SLC35B4: variants seen among roughly 807,000 people sequenced by gnomAD.
SLC35B4 encodes the protein nucleotide sugar transporter SLC35B4.
Under a neutral mutation model 39.5 loss-of-function variants are expected in SLC35B4, and 28 were observed. The ratio of observed to expected loss-of-function variants is 0.71; its 90% confidence interval spans 0.53 to 0.97. The LOEUF (loss-of-function observed/expected upper bound fraction) is 0.97. Among genes scored for constraint, SLC35B4 ranks in the 50% least tolerant of loss-of-function variants. The pLI is 0.00. For synonymous variants in SLC35B4, 145 were observed against 150.4 expected (o/e 0.96, Z 0.26); for missense variants, 334 against 414.3 (o/e 0.81, Z 1.68).
At position 134,316,701 on chromosome 7, in the gene SLC35B4, G is replaced by A; in HGVS notation, c.51C>T (p.Asn17=). 9.7e-6 allele frequency: 15 copies of A among 1,550,666 alleles called. No individual in the cohort carries two copies. The highest frequency in any genetic ancestry group is 1.3e-5 in the Non-Finnish European group (15 of 1,146,784). The change falls in exon 1 of 10, where the codon AAC becomes AAT. Residue 17 remains asparagine (N), a synonymous_variant. Transcript: ENST00000378509. ...GGGCCAGGAGCTCTAGGAAGATCACGTTACTGCAGCAGCCTGCGAACACCA... is the reference window on the plus strand; with the variant it reads ...GGGCCAGGAGCTCTAGGAAGATCACATTACTGCAGCAGCCTGCGAACACCA... ...VGLVFAGCCS[N]VIFLELLARK... is the part of the protein sequence containing the mutation.
intron 8 of SLC35B4, among the ~76,000 whole-genome samples, chr7:134,298,382 T>C (rs914115505): frequency 3.9e-5 from 6 of 152,224 alleles, no homozygotes; most frequent in Admixed American, 3.9e-4. Flanking sequence ...TTCACGGATC[T>C]CAGAAACTTA....
chr7:134,299,743 T>C (rs1803537502), intron 7 of SLC35B4, 145 bp from the exon 8 acceptor site: 2 of 676,048 alleles, frequency 3.0e-6, no homozygotes, highest in African/African-American at 3.6e-5. Flanking sequence ...ATGTATACAG[T>C]GCTTCTTGAC....
At chr7:134,296,554 A>G (rs1803470410) in intron 8 of SLC35B4, 88 bp from the exon 9 acceptor site, 1 of 877,656 alleles carries the variant, frequency 1.1e-6, no homozygotes, top group African/African-American at 1.6e-5. Context: ...GACTGAACAT[A>G]ATAGGAACAG....
intron 9 of SLC35B4, 182 bp from the exon 10 acceptor site, chr7:134,295,261 T>C (rs1298623094): frequency 4.4e-6 from 3 of 679,022 alleles, no homozygotes; most frequent in Non-Finnish European, 7.2e-6. Context: ...TGCCATTCCA[T>C]TTATGGGTAC....
chr7:134,306,648 T>C (rs1262860680), intron 3 of SLC35B4, 24 bp downstream of exon 3: 1 of 1,582,488 alleles, frequency 6.3e-7, no homozygotes, highest in Non-Finnish European at 8.7e-7. Flanking sequence ...GAGGAACATA[T>C]ACACGTGATC....
intron 4 of SLC35B4, among the ~76,000 whole-genome samples, chr7:134,304,529 T>C (rs947127631): frequency 1.6e-4 from 25 of 152,368 alleles, no homozygotes; most frequent in Middle Eastern, 3.4e-3. Flanking sequence ...CTATCATCTT[T>C]GTAAGTTGGC....
intron 1 of SLC35B4, among the ~76,000 whole-genome samples, chr7:134,316,076 C>T (rs1803966460): frequency 6.6e-6 from 1 of 152,074 alleles, no homozygotes; most frequent in Admixed American, 6.5e-5. Context: ...ATCTGTTCTA[C>T]CGCATCATTT....
chr7:134,296,497 T>A (rs753390353), intron 8 of SLC35B4, 31 bp from the exon 9 acceptor site: 2 of 1,566,342 alleles, frequency 1.3e-6, no homozygotes, highest in South Asian at 2.3e-5. Context: ...TATAGCCATA[T>A]TGCTTTTTCA....
At position 134,309,387 on chromosome 7, in the gene SLC35B4, T is replaced by C; in HGVS notation, c.170A>G (p.Lys57Arg). ...ATACCTTATTGGGATAGCTGGTGGCTTCCTTCCCAAATCAGCTTCAAAGAG... is the reference window on the plus strand; with the variant it reads ...ATACCTTATTGGGATAGCTGGTGGCCTCCTTCCCAAATCAGCTTCAAAGAG... ...GFLFEADLGR[K>R]PPAIPIRYYA... Residue 57 changes from lysine to arginine, a missense_variant, in exon 2 of 10, where the codon AAG becomes AGG. By Grantham distance (26) the Lys-to-Arg change is conservative. Coordinates refer to ENST00000378509, the MANE Select transcript of SLC35B4 (RefSeq NM_032826.5). 6.2e-7 allele frequency: 1 copy of C among 1,609,706 alleles called. No individual in the cohort carries two copies. The highest frequency in any genetic ancestry group is 8.5e-7 in the Non-Finnish European group (1 of 1,178,564).
At position 134,290,183 on chromosome 7, in the gene SLC35B4, A is replaced by G. The variant is rs1483292896; in HGVS notation, c.*4650T>C. ...ATATGTAAGGTGCTAACTACATAAT[A>G]CTCTTCCCTTCTACCACCAGGCAAT... On this transcript the variant is annotated 3_prime_UTR_variant, in exon 10 of 10. Coordinates refer to ENST00000378509, the MANE Select transcript of SLC35B4 (RefSeq NM_032826.5). The G allele has an allele frequency of 1.3e-5, 2 of 152,200 alleles. No homozygotes were observed. Among genetic ancestry groups the G allele is most frequent in the African/African-American group, 4.8e-5 (2 of 41,420 alleles). The allele number at this position is 152,200 out of a possible 1,614,324, so 9.4% of individuals were successfully genotyped here.
At chr7:134,316,965 A>C (rs1023626749), upstream of SLC35B4, 4 of 566,028 alleles carry the variant, frequency 7.1e-6, no homozygotes, top group Non-Finnish European at 1.3e-5. Context: ...GGTCCCATTC[A>C]TCCGAGGGGG....
At position 134,299,581 on chromosome 7, in the gene SLC35B4, C is replaced by T. The variant is rs752361691; in HGVS notation, c.615G>A (p.Pro205=). Residue 205 remains proline (P), a synonymous_variant, in exon 8 of 10, where the codon CCG becomes CCA. Coordinates refer to ENST00000378509, the MANE Select transcript of SLC35B4 (RefSeq NM_032826.5). ...ALFYNHALPL[P]GFVFLASDIY... ...TATCAGAAGCCAAGAAGACGAAACC[C>T]GGAAGTGGAAGGGCGTGCTATGGAA... 17 of 1,613,628 alleles carry T rather than the reference C, an allele frequency of 1.1e-5. No homozygotes were observed. In the East Asian group the frequency reaches 1.8e-4, roughly 17 times the overall value.
chr7:134,294,893 C>CTCTG lies in SLC35B4; in HGVS notation c.932_935dup (p.Glu312AspfsTer13). The CTCTG allele has an allele frequency of 6.2e-7, 1 of 1,614,168 alleles. No individual in the cohort carries two copies. Among genetic ancestry groups the CTCTG allele is most frequent in the Non-Finnish European group, 8.5e-7 (1 of 1,180,044 alleles). ...TTGTGGTCCCTAGGTTGTTCCACAC[C>CTCTG]TCTGTGTACATTAAGGTCCCAATGA... On this transcript the variant is annotated frameshift_variant, in exon 10 of 10. Transcript: ENST00000378509. LOFTEE classifies it high-confidence loss of function.
chr7:134,309,504 G>C, intron 1 of SLC35B4, 25 bp from the exon 2 acceptor site: 2 of 1,542,472 alleles, frequency 1.3e-6, no homozygotes, highest in Non-Finnish European at 1.8e-6. Flanking sequence ...ATAAAAGAGG[G>C]GGTGAAGGCA....
At chr7:134,317,324 T>C (rs565937784), upstream of SLC35B4, among the ~76,000 whole-genome samples, 3 of 152,328 alleles carry the variant, frequency 2.0e-5, no homozygotes, top group Admixed American at 2.0e-4. Context: ...TATGTATCTT[T>C]GGTGACTCTA....
rs750322229 is a variant in SLC35B4 at position 134,299,549 on chromosome 7, T to C, written c.647A>G (p.Asp216Gly). The change falls in exon 8 of 10, where the codon GAC becomes GGC. Residue 216 changes from aspartate to glycine, a missense_variant. Asp to Gly is a moderately conservative substitution (Grantham distance 94). Transcript: ENST00000378509. The stretch of plus-strand genomic sequence containing the variant: ...AGACTTATTGAATAGAACTGCATGG[T>C]CATAAATATCAGAAGCCAAGAAGAC... The part of the protein sequence containing the change: ...GFVFLASDIY[D>G]HAVLFNKSEL... The C allele has an allele frequency of 4.3e-6, 7 of 1,613,844 alleles. No individual in the cohort carries two copies. The East Asian group carries it at 1.3e-4, about 31-fold the overall frequency.
At chr7:134,312,683 T>C (rs1393807089) in intron 1 of SLC35B4, among the ~76,000 whole-genome samples, 2 of 152,226 alleles carry the variant, frequency 1.3e-5, no homozygotes, top group African/African-American at 4.8e-5. Flanking sequence ...GTATTCGCTA[T>C]AGGATTTTTA....
chr7:134,317,716 C>T (rs3823560), upstream of SLC35B4, among the ~76,000 whole-genome samples: 4 of 152,118 alleles, frequency 2.6e-5, no homozygotes, highest in Non-Finnish European at 5.9e-5. Context: ...TCTCATAGCA[C>T]TTACAATCTG....
At chr7:134,303,905 C>T (rs978837244) in intron 4 of SLC35B4, among the ~76,000 whole-genome samples, 8 of 152,092 alleles carry the variant, frequency 5.3e-5, no homozygotes, top group African/African-American at 1.9e-4. Flanking sequence ...TGCTCCTGTC[C>T]CCCCTGCTCC....
Sources: gnomAD v4.1 joint callset for allele counts (sites outside exome capture counted in the v4.1 genomes callset) on GRCh38, gnomAD v4.1.1 for gene constraint, MANE v1.5 for transcripts, NCBI Gene and HGNC (gene_info 2026-07-23, HGNC 2026-07-21) for gene names.